Variants in GABRB2 observed in about 807,000 individuals in gnomAD.
GABRB2 encodes the protein gamma-aminobutyric acid receptor subunit beta-2.
GABRB2 carries 16 observed loss-of-function variants against 54.7 expected under a neutral mutation model. The observed-to-expected ratio is 0.29, with a 90% CI of 0.20 to 0.44. GABRB2 has a LOEUF of 0.44. Ranked by LOEUF, GABRB2 falls within the 20% of genes least tolerant of loss-of-function variation. The probability of loss-of-function intolerance (pLI) is 1.00; values close to 1 mark genes in which losing one functional copy is unlikely to be tolerated. For missense variants in GABRB2, 355 were observed against 644.0 expected, an observed-to-expected ratio of 0.55 and a Z score of 4.86; for synonymous variants, 244 against 233.8, an observed-to-expected ratio of 1.04 and a Z score of -0.40.
At chr5:161,312,999 G>A (rs887019776) in intron 9 of GABRB2, among the ~76,000 whole-genome samples, 3 of 152,228 alleles carry the variant, frequency 2.0e-5, no homozygotes, top group Non-Finnish European at 4.4e-5. Context: ...CTGTGGGTAG[G>A]AGAAGGGATA....
Position 161,340,017 on chromosome 5 carries a change from G to C in GABRB2, c.542-3248C>G, listed in dbSNP as rs151034914. The stretch of plus-strand genomic sequence containing the variant: ...AAGAAGAGAAAAGAAAAATGAAACA[G>C]TATTTCTTATATAAGGAACTAGGTC... On this transcript the variant is annotated intron_variant, in intron 5 of 9. Coordinates refer to ENST00000393959, the MANE Select transcript of GABRB2 (RefSeq NM_001371727.1). 3.4e-3 allele frequency among the ~76,000 whole-genome samples: 521 copies of C among 152,038 alleles called. 4 individuals carry two copies. The highest frequency in any genetic ancestry group is 0.012 in the African/African-American group (485 of 41,488).
At chr5:161,382,535 C>T (rs944773764) in intron 5 of GABRB2, among the ~76,000 whole-genome samples, 2 of 152,098 alleles carry the variant, frequency 1.3e-5, no homozygotes, top group African/African-American at 4.8e-5. Flanking sequence ...TATTCCAAGC[C>T]CTTTTCTTAG....
chr5:161,366,793 A>G (rs569724135), intron 5 of GABRB2, among the ~76,000 whole-genome samples: 1 of 152,284 alleles, frequency 6.6e-6, no homozygotes, highest in Non-Finnish European at 1.5e-5. Flanking sequence ...TAATAAATAC[A>G]AAAATTAAGT....
At chr5:161,373,996 T>G (rs1240692780) in intron 5 of GABRB2, among the ~76,000 whole-genome samples, 1 of 152,146 alleles carries the variant, frequency 6.6e-6, no homozygotes, top group Non-Finnish European at 1.5e-5. Flanking sequence ...CAGGCTGGAG[T>G]GCAGTGGCAC....
At chr5:161,518,956 G>C (rs1216712315) in intron 3 of GABRB2, among the ~76,000 whole-genome samples, 2 of 152,120 alleles carry the variant, frequency 1.3e-5, no homozygotes, top group Non-Finnish European at 2.9e-5. Context: ...CAGTAGTGAT[G>C]GTTTCTTAGG....
intron 9 of GABRB2, among the ~76,000 whole-genome samples, chr5:161,308,069 G>T (rs1757752543): frequency 1.3e-5 from 2 of 151,912 alleles, no homozygotes; most frequent in African/African-American, 4.8e-5. Flanking sequence ...CACCATGTTG[G>T]CCAGGATGGT....
At chr5:161,315,655 A>T (rs2113371725) in intron 9 of GABRB2, among the ~76,000 whole-genome samples, 1 of 152,176 alleles carries the variant, frequency 6.6e-6, no homozygotes, top group East Asian at 1.9e-4. Flanking sequence ...TGGATTTTTA[A>T]ATTATTATTT....
intron 3 of GABRB2, among the ~76,000 whole-genome samples, chr5:161,528,839 G>A (rs1418698065): frequency 6.6e-6 from 1 of 151,692 alleles, no homozygotes; most frequent in African/African-American, 2.4e-5. Context: ...GATTATTCCC[G>A]ATCTTAAAAA....
In GABRB2 at chr5:161,379,824, T is replaced by C. The variant is rs571298271; in HGVS notation, c.541+31151A>G. The stretch of plus-strand genomic sequence containing the variant: ...ATGCAGCTTCCAGAAAGGGGAACAT[T>C]TGAAGCCACTGTCAGTTACCAGTGC... On this transcript the variant is annotated intron_variant, in intron 5 of 9. Transcript: ENST00000393959. Among the ~76,000 whole-genome samples the C allele has an allele frequency of 3.9e-5, 6 of 152,208 alleles. No individual in the cohort carries two copies. In the East Asian group the frequency reaches 1.2e-3, roughly 29 times the overall value.
chr5:161,433,963 T>C (rs1224239114), intron 4 of GABRB2, among the ~76,000 whole-genome samples: 2 of 152,186 alleles, frequency 1.3e-5, no homozygotes, highest in African/African-American at 4.8e-5. Context: ...TAAATCTCTG[T>C]CTCAATGTTT....
intron 8 of GABRB2, 90 bp from the exon 9 acceptor site, chr5:161,326,571 T>C (rs1758370290): frequency 1.4e-6 from 2 of 1,420,318 alleles, no homozygotes; most frequent in African/African-American, 2.9e-5. Flanking sequence ...TATAGATAAA[T>C]GCTACTGGCC....
chr5:161,533,515 T>C (rs565145444), intron 3 of GABRB2, among the ~76,000 whole-genome samples: 4 of 152,184 alleles, frequency 2.6e-5, no homozygotes, highest in Non-Finnish European at 4.4e-5. Context: ...GCTTAAAAAA[T>C]AGATTTCATT....
chr5:161,484,395 T>C (rs937831175), intron 3 of GABRB2, among the ~76,000 whole-genome samples: 27 of 152,078 alleles, frequency 1.8e-4, no homozygotes, highest in African/African-American at 6.0e-4. Flanking sequence ...CTCCACCATA[T>C]GGTTAAGTGT....
chr5:161,319,924 CATG>C (rs1758158972), intron 9 of GABRB2, among the ~76,000 whole-genome samples: 1 of 151,064 alleles, frequency 6.6e-6, no homozygotes, highest in South Asian at 2.1e-4. Context: ...TTTCTAAGGA[CATG>C]ATGAATTATA....
chr5:161,424,959 C>T (rs1756955800), intron 4 of GABRB2, among the ~76,000 whole-genome samples: 1 of 152,038 alleles, frequency 6.6e-6, no homozygotes, highest in Non-Finnish European at 1.5e-5. Context: ...GAGTTTATGA[C>T]TACAGTTGAG....
intron 5 of GABRB2, among the ~76,000 whole-genome samples, chr5:161,399,135 G>A (rs1462357378): frequency 1.3e-5 from 2 of 152,140 alleles, no homozygotes; most frequent in Non-Finnish European, 2.9e-5. Flanking sequence ...CACTGAAAGC[G>A]TACACTTCAG....
At chr5:161,395,515 T>C (rs1367133109) in intron 5 of GABRB2, among the ~76,000 whole-genome samples, 1 of 151,914 alleles carries the variant, frequency 6.6e-6, no homozygotes, top group Admixed American at 6.6e-5. Context: ...GAGCTGACAG[T>C]TAGGAAAAAA....
intron 3 of GABRB2, among the ~76,000 whole-genome samples, chr5:161,460,595 A>G (rs1005910203): frequency 1.3e-5 from 2 of 152,316 alleles, no homozygotes; most frequent in Non-Finnish European, 2.9e-5. Context: ...GTTTCTATGT[A>G]TACTAAAAAA....
At chr5:161,420,197 G>C (rs2113142684) in intron 4 of GABRB2, among the ~76,000 whole-genome samples, 1 of 151,962 alleles carries the variant, frequency 6.6e-6, no homozygotes, top group Non-Finnish European at 1.5e-5. Flanking sequence ...AAGTTTATCA[G>C]TTTTATCCCA....
Sources: gnomAD v4.1 joint callset for allele counts (sites outside exome capture counted in the v4.1 genomes callset) on GRCh38, gnomAD v4.1.1 for gene constraint, MANE v1.5 for transcripts, NCBI Gene and HGNC (gene_info 2026-07-23, HGNC 2026-07-21) for gene names.